JAKMIP3: variants seen among roughly 807,000 people sequenced by gnomAD.
JAKMIP3 encodes Janus kinase and microtubule interacting protein 3.
A neutral mutation model predicts 118.5 loss-of-function variants in JAKMIP3; 58 were observed. The ratio of observed to expected loss-of-function variants is 0.49; its 90% CI spans 0.40 to 0.61. The LOEUF is 0.61. Ranked by LOEUF, JAKMIP3 falls within the 20% of genes least tolerant of loss-of-function variation. The pLI is 0.00. For synonymous variants in JAKMIP3, 486 were observed against 451.2 expected, an observed-to-expected ratio of 1.08 and a Z score of -0.98; for missense variants, 950 against 1,109.0, an observed-to-expected ratio of 0.86 and a Z score of 2.04.
At chr10:132,084,394 G>A (rs892734499) in intron 1 of JAKMIP3, among the ~76,000 whole-genome samples, 2 of 152,138 alleles carry the variant, frequency 1.3e-5, no homozygotes, top group African/African-American at 4.8e-5. Context: ...TTTTGTATCC[G>A]GAAACTTTGT....
intron 16 of JAKMIP3, among the ~76,000 whole-genome samples, chr10:132,152,372 C>T (rs914001930): frequency 6.6e-6 from 1 of 152,216 alleles, no homozygotes; most frequent in African/African-American, 2.4e-5. Context: ...CAGGCTGCAG[C>T]AGAGTCTGAG....
At position 132,184,625 on chromosome 10, in the gene JAKMIP3, C is replaced by T. The variant is rs2061707843; in HGVS notation, c.*3372C>T. The T allele has an allele frequency of 6.6e-6, 1 of 152,196 alleles. No individual in the cohort carries two copies. Among genetic ancestry groups the T allele is most frequent in the African/African-American group, 2.4e-5 (1 of 41,442 alleles). The allele number at this position is 152,196 out of a possible 1,614,324, so 9.4% of individuals were successfully genotyped here. ...CTCCCAGGCACTCCCTTCATAGTCA[C>T]CCTCTAACCACGTGACATTCCGTTC... On this transcript the variant is annotated 3_prime_UTR_variant, in exon 24 of 24. Coordinates refer to ENST00000684848, the MANE Select transcript of JAKMIP3 (RefSeq NM_001323087.2).
chr10:132,160,501 GGC>G (rs2058031216), intron 19 of JAKMIP3, among the ~76,000 whole-genome samples: 1 of 39,110 alleles, frequency 2.6e-5, no homozygotes, highest in Non-Finnish European at 4.5e-5. Flanking sequence ...ATGCTGGGGG[GGC>G]CTCTCCCTGT....
chr10:132,157,179 C>T (rs944748666), intron 19 of JAKMIP3, among the ~76,000 whole-genome samples: 2 of 152,170 alleles, frequency 1.3e-5, no homozygotes, highest in Non-Finnish European at 2.9e-5. Context: ...ATGCCACCAA[C>T]AAAGGGGACC....
chr10:132,131,580 T>A lies in JAKMIP3; in HGVS notation c.634-1732T>A, dbSNP rs544067125. On this transcript the variant is annotated intron_variant, in intron 3 of 23. Coordinates refer to ENST00000684848, the MANE Select transcript of JAKMIP3 (RefSeq NM_001323087.2). Reference sequence around the variant, plus strand: ...TATGACAGCCTCTGACTCTTGTTTGTGGAGCTGACTCTAGGGTTGTGAGTG... The same window carrying A: ...TATGACAGCCTCTGACTCTTGTTTGAGGAGCTGACTCTAGGGTTGTGAGTG... Among the ~76,000 whole-genome samples the A allele has an allele frequency of 8.6e-5, 13 of 152,012 alleles. No homozygotes were observed. In the South Asian group the frequency reaches 2.7e-3, roughly 32 times the overall value.
chr10:132,143,165 G>T (rs1441402336), intron 11 of JAKMIP3, among the ~76,000 whole-genome samples: 1 of 151,828 alleles, frequency 6.6e-6, no homozygotes, highest in Non-Finnish European at 1.5e-5. Flanking sequence ...GCTGGCCTTG[G>T]AGGGGGCGTC....
intron 16 of JAKMIP3, 106 bp from the exon 17 acceptor site, chr10:132,152,852 C>T (rs147892876): frequency 8.7e-5 from 72 of 827,666 alleles, no homozygotes; most frequent in Middle Eastern, 4.6e-4. Context: ...CCCACCCAGG[C>T]GTCCCCAGTC....
At chr10:132,133,819 G>A (rs1203039562) in intron 4 of JAKMIP3, among the ~76,000 whole-genome samples, 1 of 152,204 alleles carries the variant, frequency 6.6e-6, no homozygotes, top group Non-Finnish European at 1.5e-5. Flanking sequence ...GCAGTTCATG[G>A]CACTTGCTGG....
rs2038041762 is a variant in JAKMIP3, at chr10:132,049,624, G to C, written c.-138+12886G>C. Among the ~76,000 whole-genome samples the C allele has an allele frequency of 6.6e-6, 1 of 151,922 alleles. No homozygotes were observed. Among genetic ancestry groups the C allele is most frequent in the African/African-American group, 2.4e-5 (1 of 41,330 alleles). Reference sequence around the variant, plus strand: ...GTTTGCGTGTGCCCGGTTCTGTTTGGATGTACAGGTTTCTTCTGCCTTGTG... The same window carrying C: ...GTTTGCGTGTGCCCGGTTCTGTTTGCATGTACAGGTTTCTTCTGCCTTGTG... On this transcript the variant is annotated intron_variant, in intron 1 of 23. Transcript: ENST00000657785. This position sits in a 1 kb window ranked among gnomAD's most constrained non-coding sequence, Gnocchi z 4.3.
intron 2 of JAKMIP3, among the ~76,000 whole-genome samples, chr10:132,110,232 G>T (rs950019788): frequency 6.6e-6 from 1 of 152,248 alleles, no homozygotes; most frequent in African/African-American, 2.4e-5. Flanking sequence ...CCGTGCTCTG[G>T]AAGCTCCCAC....
chr10:132,059,127 A>G (rs1006396794), intron 1 of JAKMIP3, among the ~76,000 whole-genome samples: 1 of 152,230 alleles, frequency 6.6e-6, no homozygotes, highest in Non-Finnish European at 1.5e-5. Context: ...TTCAGCTGCC[A>G]CGTCCCTAAA....
At chr10:132,065,373 T>C (rs955535703), upstream of JAKMIP3, among the ~76,000 whole-genome samples, 3 of 152,098 alleles carry the variant, frequency 2.0e-5, no homozygotes, top group African/African-American at 7.2e-5. This position sits in a 1 kb window ranked among gnomAD's most constrained non-coding sequence, Gnocchi z 5.6. Flanking sequence ...GTCCTCAGTG[T>C]TGAGTGTGTG....
chr10:132,149,918 G>T (rs1589956449), intron 15 of JAKMIP3, 64 bp from the exon 16 acceptor site: 1 of 339,696 alleles, frequency 2.9e-6, no homozygotes. Context: ...TCCCTGCCCT[G>T]TCCTTCCCCA....
chr10:132,150,328 A>C (rs948800848), intron 16 of JAKMIP3, among the ~76,000 whole-genome samples: 4 of 152,072 alleles, frequency 2.6e-5, no homozygotes, highest in African/African-American at 9.7e-5. Context: ...TGCCATGAGG[A>C]TAGGGGGCTG....
At chr10:132,071,160 AGTGTGTGT>A (rs3068079) in intron 1 of JAKMIP3, among the ~76,000 whole-genome samples, 1,598 of 149,154 alleles carry the variant, frequency 0.011, 40 homozygotes, top group African/African-American at 0.036. Flanking sequence ...GTCATTTAAA[AGTGTGTGT>A]GTGTGTGTGT....
intron 20 of JAKMIP3, 69 bp downstream of exon 20, chr10:132,163,481 C>T: frequency 7.2e-7 from 1 of 1,394,922 alleles, no homozygotes; most frequent in Non-Finnish European, 9.7e-7. Context: ...CAGGGGGGGT[C>T]CTCCCACGGC....
rs2038042130 is a variant in JAKMIP3 at position 132,049,633 on chromosome 10, G to A, written c.-138+12895G>A. 6.6e-6 allele frequency among the ~76,000 whole-genome samples: 1 copy of A among 151,942 alleles called. No individual in the cohort carries two copies. The highest frequency in any genetic ancestry group is 1.9e-4 in the East Asian group (1 of 5,164). The stretch of plus-strand genomic sequence containing the variant: ...TGCCCGGTTCTGTTTGGATGTACAG[G>A]TTTCTTCTGCCTTGTGTTTTTTCTT... On this transcript the variant is annotated intron_variant, in intron 1 of 23. Coordinates refer to the JAKMIP3 transcript ENST00000657785. This position sits in a 1 kb window ranked among gnomAD's most constrained non-coding sequence, Gnocchi z 4.3.
chr10:132,125,571 CT>C (rs1420426895), intron 3 of JAKMIP3, among the ~76,000 whole-genome samples: 1 of 152,268 alleles, frequency 6.6e-6, no homozygotes, highest in Non-Finnish European at 1.5e-5. Flanking sequence ...CTTAAATCAG[CT>C]TGTCAGTTTC....
intron 3 of JAKMIP3, among the ~76,000 whole-genome samples, chr10:132,121,096 G>A (rs895559438): frequency 1.2e-4 from 18 of 152,298 alleles, no homozygotes; most frequent in African/African-American, 3.4e-4. Flanking sequence ...GGGACTGGGG[G>A]CAGTCAGAGA....
Sources: gnomAD v4.1 joint callset for allele counts (sites outside exome capture counted in the v4.1 genomes callset) on GRCh38, gnomAD v4.1.1 for gene constraint, Gnocchi (gnomAD v3.1) non-coding constraint, MANE v1.5 for transcripts, NCBI Gene and HGNC (gene_info 2026-07-23, HGNC 2026-07-21) for gene names.